Variants in CBFA2T2 observed in about 807,000 individuals in gnomAD.
CBFA2T2 encodes the protein protein CBFA2T2.
In CBFA2T2, 11 loss-of-function variants were observed where a neutral mutation model predicts 62.2. The observed-to-expected ratio is 0.18, with a 90% CI of 0.11 to 0.29. CBFA2T2 has a LOEUF of 0.29. Ranked by LOEUF, CBFA2T2 falls within the 10% of genes least tolerant of loss-of-function variation. The pLI is 1.00. For synonymous variants in CBFA2T2, 295 were observed against 287.5 expected (o/e 1.03, Z -0.27); for missense variants, 592 against 774.1 (o/e 0.76, Z 2.79).
intron 3 of CBFA2T2, among the ~76,000 whole-genome samples, chr20:33,615,096 C>T (rs1394101487): frequency 6.6e-6 from 1 of 152,192 alleles, no homozygotes; most frequent in Non-Finnish European, 1.5e-5. Context: ...ACTCAGGAGA[C>T]TGAGGCAGGA....
At chr20:33,627,339 G>A (rs543378670) in intron 6 of CBFA2T2, among the ~76,000 whole-genome samples, 16 of 152,218 alleles carry the variant, frequency 1.1e-4, no homozygotes, top group South Asian at 6.2e-4. Context: ...GGGGGTTGCA[G>A]TGAGCCAAGA....
At chr20:33,516,513 G>A (rs1004579308) in intron 1 of CBFA2T2, among the ~76,000 whole-genome samples, 2 of 151,894 alleles carry the variant, frequency 1.3e-5, no homozygotes, top group Admixed American at 6.6e-5. Context: ...AGTGGCTCAC[G>A]CCTATAATCC....
At chr20:33,618,887 G>C (rs1222833600) in intron 3 of CBFA2T2, among the ~76,000 whole-genome samples, 1 of 152,196 alleles carries the variant, frequency 6.6e-6, no homozygotes, top group African/African-American at 2.4e-5. Context: ...AGGGATCAGA[G>C]TGCCTCTCTT....
In CBFA2T2 at chr20:33,494,262, TATATATATA is replaced by T. The variant is rs1278804538; in HGVS notation, c.34+3962_34+3970del. Among the ~76,000 whole-genome samples, 220 of 77,846 alleles carry T rather than the reference TATATATATA, an allele frequency of 2.8e-3. 10 individuals are homozygous for T. Among genetic ancestry groups the T allele is most frequent in the African/African-American group, 0.011 (201 of 18,170 alleles). The allele number at this position is 77,846 out of a possible 152,430, so 51.1% of individuals were successfully genotyped here. On this transcript the variant is annotated intron_variant, in intron 1 of 10. Coordinates refer to ENST00000342704, the MANE Select transcript of CBFA2T2 (RefSeq NM_001032999.3). ...ATATGTGTATATATATATATATATA[TATATATATA>T]TATTTTTTTTTTTTTTTTTTTTTTT...
intron 9 of CBFA2T2, chr20:33,639,607 G>A (rs2016756507): frequency 6.6e-6 from 1 of 151,358 alleles, no homozygotes; most frequent in Admixed American, 6.6e-5. Context: ...TCAAGCCGGG[G>A]GTGGTGCCTC....
chr20:33,593,352 C>A (rs941253553), intron 1 of CBFA2T2, among the ~76,000 whole-genome samples: 1 of 151,456 alleles, frequency 6.6e-6, no homozygotes, highest in Non-Finnish European at 1.5e-5. Flanking sequence ...CAAAAAAAAC[C>A]TATTACATAA....
At chr20:33,610,846 C>T (rs2015496292) in intron 2 of CBFA2T2, among the ~76,000 whole-genome samples, 1 of 152,166 alleles carries the variant, frequency 6.6e-6, no homozygotes, top group Non-Finnish European at 1.5e-5. Flanking sequence ...CCCATGGCAC[C>T]TGTAGAGTTA....
intron 1 of CBFA2T2, among the ~76,000 whole-genome samples, chr20:33,494,491 C>T (rs905919970): frequency 1.0e-4 from 15 of 149,768 alleles, no homozygotes; most frequent in African/African-American, 3.7e-4. Flanking sequence ...CCCTGTTAGC[C>T]AGGATGGTCT....
At chr20:33,612,988 G>C (rs1308002706) in intron 3 of CBFA2T2, among the ~76,000 whole-genome samples, 1 of 152,202 alleles carries the variant, frequency 6.6e-6, no homozygotes, top group East Asian at 1.9e-4. Context: ...TCAGTAGGTT[G>C]AGGTGGGAGG....
At chr20:33,499,386 GGTTATT>G (rs1419075893) in intron 1 of CBFA2T2, among the ~76,000 whole-genome samples, 1 of 152,160 alleles carries the variant, frequency 6.6e-6, no homozygotes, top group Non-Finnish European at 1.5e-5. Flanking sequence ...GAATCACTCT[GGTTATT>G]GTTTAGGCTT....
chr20:33,634,003 C>T (rs560757636), intron 8 of CBFA2T2, among the ~76,000 whole-genome samples: 2 of 152,208 alleles, frequency 1.3e-5, no homozygotes, highest in African/African-American at 4.8e-5. Flanking sequence ...GAGTCTCGCT[C>T]TGTCACCTAG....
At chr20:33,618,173 CTT>C (rs58066954) in intron 3 of CBFA2T2, among the ~76,000 whole-genome samples, 22 of 138,308 alleles carry the variant, frequency 1.6e-4, no homozygotes, top group South Asian at 2.3e-4. Flanking sequence ...ATATATTTTC[CTT>C]TTTTTTTTTT....
chr20:33,509,871 G>A (rs1326872851), intron 1 of CBFA2T2, among the ~76,000 whole-genome samples: 1 of 150,744 alleles, frequency 6.6e-6, no homozygotes, highest in Non-Finnish European at 1.5e-5. Flanking sequence ...TGCACAATGT[G>A]CAGTTTTGTT....
At chr20:33,636,085 C>A (rs1195537328) in intron 8 of CBFA2T2, among the ~76,000 whole-genome samples, 1 of 151,968 alleles carries the variant, frequency 6.6e-6, no homozygotes, top group Non-Finnish European at 1.5e-5. Context: ...GAAACCCCAT[C>A]TCTACTAAAA....
rs754257827 is a variant in CBFA2T2 at position 33,522,317 on chromosome 20, G to A, written c.34+32016G>A. On this transcript the variant is annotated intron_variant, in intron 1 of 10. Transcript: ENST00000342704. ...TTTCAGAAACGAGTAGTGAAAGCCA[G>A]TGGATCAAATTCAGTGATAGTTAAC... is the stretch of plus-strand genomic sequence containing the variant. Among the ~76,000 whole-genome samples, 55 of 147,048 alleles carry A rather than the reference G, an allele frequency of 3.7e-4. 1 individual carries two copies. The highest frequency in any genetic ancestry group is 8.7e-5 in the Admixed American group (1 of 11,518).
At chr20:33,598,547 C>T (rs2014987723) in intron 1 of CBFA2T2, among the ~76,000 whole-genome samples, 1 of 152,102 alleles carries the variant, frequency 6.6e-6, no homozygotes, top group African/African-American at 2.4e-5. Flanking sequence ...TTATCCTGTT[C>T]TTTTTTCAAG....
chr20:33,599,033 G>A (rs1232986690), intron 1 of CBFA2T2, among the ~76,000 whole-genome samples: 1 of 151,748 alleles, frequency 6.6e-6, no homozygotes, highest in African/African-American at 2.4e-5. Flanking sequence ...GGCCGAGGCA[G>A]GTGGATTGCC....
intron 1 of CBFA2T2, among the ~76,000 whole-genome samples, chr20:33,592,473 T>C (rs373314486): frequency 3.4e-4 from 50 of 147,120 alleles, no homozygotes; most frequent in African/African-American, 1.2e-3. Context: ...TGCTATGTAG[T>C]TCTGTTAATG....
chr20:33,522,847 C>A (rs921560926), intron 1 of CBFA2T2, among the ~76,000 whole-genome samples: 1 of 152,086 alleles, frequency 6.6e-6, no homozygotes, highest in Non-Finnish European at 1.5e-5. Flanking sequence ...AGTAGTTTTG[C>A]CTATCATACT....
Sources: gnomAD v4.1 joint callset for allele counts (sites outside exome capture counted in the v4.1 genomes callset) on GRCh38, gnomAD v4.1.1 for gene constraint, MANE v1.5 for transcripts, NCBI Gene and HGNC (gene_info 2026-07-23, HGNC 2026-07-21) for gene names.